ZNF280D: variants seen among roughly 807,000 people sequenced by gnomAD.
The protein encoded by ZNF280D is suppressor of hairy wing homolog 4.
Under a neutral mutation model 94.7 loss-of-function variants are expected in ZNF280D, and 39 were observed. That is an observed-to-expected ratio of 0.41 (90% CI 0.32 to 0.54). The LOEUF is 0.54. ZNF280D is among the 20% of genes least tolerant of loss of function. ZNF280D has a pLI of 0.22. For missense variants in ZNF280D, 1,090 were observed against 1,149.3 expected (o/e 0.95, Z 0.75); for synonymous variants, 398 against 377.6 (o/e 1.05, Z -0.63).
At chr15:56,686,207 C>T (rs551563620) in intron 9 of ZNF280D, among the ~76,000 whole-genome samples, 77 of 152,270 alleles carry the variant, frequency 5.1e-4, no homozygotes, top group African/African-American at 1.8e-3. Flanking sequence ...GGTGCCATCT[C>T]GGCTCACTGC....
At chr15:56,637,541 T>C (rs1265808650) in intron 20 of ZNF280D, among the ~76,000 whole-genome samples, 4 of 152,070 alleles carry the variant, frequency 2.6e-5, no homozygotes, top group Non-Finnish European at 4.4e-5. Flanking sequence ...CAGCACCTAA[T>C]TTTCCCACAC....
intron 16 of ZNF280D, among the ~76,000 whole-genome samples, chr15:56,659,671 G>A (rs2053800499): frequency 6.6e-6 from 1 of 151,792 alleles, no homozygotes; most frequent in Non-Finnish European, 1.5e-5. Context: ...CAGATAAGGG[G>A]GACTACTGTA....
chr15:56,676,848 G>C (rs773707109), intron 12 of ZNF280D, 32 bp from the exon 13 acceptor site: 1 of 1,517,716 alleles, frequency 6.6e-7, no homozygotes, highest in African/African-American at 1.4e-5. Flanking sequence ...AGTTTAACTT[G>C]AAAATTTAAA....
Position 56,707,275 on chromosome 15 carries a change from G to C in ZNF280D, c.-54C>G. On this transcript the variant is annotated 5_prime_UTR_variant, in exon 2 of 22. Coordinates refer to ENST00000267807, the MANE Select transcript of ZNF280D (RefSeq NM_017661.4). ...CCTCTAAACTCACCATGTGACTCCA[G>C]ACAAGCCAGCAAGTTATTTCTGTTT... 2 of 1,538,764 alleles carry C rather than the reference G, an allele frequency of 1.3e-6. No homozygotes were observed. Among genetic ancestry groups the C allele is most frequent in the East Asian group, 2.4e-5 (1 of 40,918 alleles).
At position 56,666,468 on chromosome 15, in the gene ZNF280D, G is replaced by C; in HGVS notation, c.1921C>G (p.Pro641Ala). The C allele has an allele frequency of 6.2e-7, 1 of 1,602,522 alleles. No individual in the cohort carries two copies. Among genetic ancestry groups the C allele is most frequent in the Non-Finnish European group, 8.5e-7 (1 of 1,176,934 alleles). Residue 641 changes from proline (P) to alanine (A), a missense_variant, in exon 16 of 22, where the codon CCT becomes GCT. Transcript: ENST00000267807. ...CAAAAACTACAGTGGACGTACGTAG[G>C]AAAGTGGTTTGCAAAATCTTTTATT... is the stretch of plus-strand genomic sequence containing the variant. ...SEIKDFANHF[P>A]TYVHCSFCRY...
At chr15:56,675,548 G>A (rs566455914) in intron 13 of ZNF280D, among the ~76,000 whole-genome samples, 86 of 151,888 alleles carry the variant, frequency 5.7e-4, no homozygotes, top group African/African-American at 2.0e-3. Context: ...GGAGACTTGA[G>A]AGATTTACAG....
chr15:56,689,607 T>C, intron 7 of ZNF280D, 137 bp from the exon 8 acceptor site: 1 of 542,874 alleles, frequency 1.8e-6, no homozygotes, highest in Middle Eastern at 5.1e-4. Context: ...TAAAACTTGA[T>C]ATGATCCAAA....
Position 56,666,981 on chromosome 15 carries a change from A to T in ZNF280D, c.1551T>A (p.Thr517=), listed in dbSNP as rs752926688. The T allele has an allele frequency of 6.3e-7, 1 of 1,575,210 alleles. No individual in the cohort carries two copies. The highest frequency in any genetic ancestry group is 2.0e-5 in the Admixed American group (1 of 50,790). Residue 517 remains threonine (T), a synonymous_variant, in exon 15 of 22, where the codon ACT becomes ACA. Transcript: ENST00000267807. ...GCAGAGGTCCAACTGAAGCTCGAAT[A>T]GTAACCTACAAAAATAAAGAGAAGA... The part of the protein sequence containing the change: ...LEGLPPGTKV[T]IRASVGPLQS...
At chr15:56,714,976 C>G (rs1159378889) in intron 1 of ZNF280D, among the ~76,000 whole-genome samples, 1 of 151,942 alleles carries the variant, frequency 6.6e-6, no homozygotes, top group South Asian at 2.1e-4. Context: ...ACATAAATAT[C>G]TTATAAAAGA....
At chr15:56,640,743 G>T (rs1454943991) in intron 20 of ZNF280D, among the ~76,000 whole-genome samples, 4 of 152,022 alleles carry the variant, frequency 2.6e-5, no homozygotes, top group African/African-American at 7.2e-5. Flanking sequence ...ACTGTGGCTG[G>T]AATTGTTTAA....
At chr15:56,694,001 A>G (rs2056578817) in intron 6 of ZNF280D, among the ~76,000 whole-genome samples, 1 of 152,088 alleles carries the variant, frequency 6.6e-6, no homozygotes, top group African/African-American at 2.4e-5. Context: ...CAGGGTTTAG[A>G]ACAGAAGTTG....
intron 12 of ZNF280D, among the ~76,000 whole-genome samples, chr15:56,677,024 CCAAAA>C (rs1340105579): frequency 6.6e-6 from 1 of 152,096 alleles, no homozygotes; most frequent in Non-Finnish European, 1.5e-5. Context: ...GGGATACATC[CCAAAA>C]CAAAACTAGA....
chr15:56,683,404 G>A (rs1322803291), intron 9 of ZNF280D, among the ~76,000 whole-genome samples: 3 of 152,154 alleles, frequency 2.0e-5, no homozygotes, highest in Non-Finnish European at 4.4e-5. Flanking sequence ...GGGCATAGCT[G>A]AGCTGTGGTA....
At chr15:56,661,281 G>C (rs952012763) in intron 16 of ZNF280D, among the ~76,000 whole-genome samples, 1 of 152,146 alleles carries the variant, frequency 6.6e-6, no homozygotes, top group African/African-American at 2.4e-5. Context: ...AAGTAGTTAG[G>C]AATCTGATAT....
intron 1 of ZNF280D, among the ~76,000 whole-genome samples, chr15:56,719,904 A>G (rs1313990856): frequency 6.6e-6 from 1 of 151,790 alleles, no homozygotes; most frequent in Non-Finnish European, 1.5e-5. Flanking sequence ...AAAAAAAAAA[A>G]AAAAAGATAA....
At chr15:56,717,762 T>C (rs1184906808) in intron 1 of ZNF280D, among the ~76,000 whole-genome samples, 2 of 152,082 alleles carry the variant, frequency 1.3e-5, no homozygotes, top group African/African-American at 4.8e-5. Context: ...CAAAACTTAG[T>C]AGAGGAGCAA....
At chr15:56,660,986 G>C (rs111988946) in intron 16 of ZNF280D, among the ~76,000 whole-genome samples, 1 of 151,030 alleles carries the variant, frequency 6.6e-6, no homozygotes, top group Non-Finnish European at 1.5e-5. Context: ...GGAGTGTTTG[G>C]GGGAGAAAGG....
intron 1 of ZNF280D, among the ~76,000 whole-genome samples, chr15:56,710,651 A>AT (rs2057708405): frequency 6.6e-6 from 1 of 151,452 alleles, no homozygotes; most frequent in Non-Finnish European, 1.5e-5. Flanking sequence ...ACTGTATCTT[A>AT]TTTTTTCTAT....
intron 6 of ZNF280D, among the ~76,000 whole-genome samples, chr15:56,694,366 C>T (rs2056616671): frequency 6.7e-6 from 1 of 150,048 alleles, no homozygotes; most frequent in Non-Finnish European, 1.5e-5. Context: ...ATTAATACTT[C>T]TAAAAGATAC....
Sources: gnomAD v4.1 joint callset for allele counts (sites outside exome capture counted in the v4.1 genomes callset) on GRCh38, gnomAD v4.1.1 for gene constraint, MANE v1.5 for transcripts, NCBI Gene and HGNC (gene_info 2026-07-23, HGNC 2026-07-21) for gene names.